Variants in XRCC6 observed in about 807,000 individuals in gnomAD.
XRCC6 encodes the protein X-ray repair cross complementing 6.
A neutral mutation model predicts 65.7 loss-of-function variants in XRCC6; 5 were observed. The ratio of observed to expected loss-of-function variants is 0.08; its 90% CI spans 0.04 to 0.16. XRCC6 has a LOEUF of 0.16. Ranked by LOEUF, XRCC6 falls within the 10% of genes least tolerant of loss-of-function variation. The probability of loss-of-function intolerance (pLI) is 1.00; values close to 1 mark genes in which losing one functional copy is unlikely to be tolerated. For synonymous variants in XRCC6, 270 were observed against 270.6 expected (o/e 1.00, Z 0.02); for missense variants, 447 against 738.1 (o/e 0.61, Z 4.57).
In XRCC6 at chr22:41,639,329, C is replaced by CTTT. The variant is rs386395480; in HGVS notation, c.773+1561_773+1563dup. Among the ~76,000 whole-genome samples, 62 of 64,584 alleles carry CTTT rather than the reference C, an allele frequency of 9.6e-4. 1 individual carries two copies. Among genetic ancestry groups the CTTT allele is most frequent in the Admixed American group, 4.9e-3 (19 of 3,892 alleles). The allele number at this position is 64,584 out of a possible 152,430, so 42.4% of individuals were successfully genotyped here. ...GGAACCAGATTGCTAGATTCTTTTT[C>CTTT]TTTTTTTTTTTTTTTTTTTTTTTTT... On this transcript the variant is annotated intron_variant, in intron 6 of 12. Coordinates refer to ENST00000360079, the MANE Select transcript of XRCC6 (RefSeq NM_001469.5).
chr22:41,623,690 C>G (rs1438805466), intron 2 of XRCC6, among the ~76,000 whole-genome samples: 1 of 148,070 alleles, frequency 6.8e-6, no homozygotes, highest in African/African-American at 2.5e-5. Flanking sequence ...CCTGGCCTAT[C>G]TGATTTCTTG....
In XRCC6 at chr22:41,650,903, G is replaced by A. The variant is rs377078752; in HGVS notation, c.1129+12G>A. 1.9e-4 allele frequency: 307 copies of A among 1,613,916 alleles called. No individual in the cohort carries two copies. Among genetic ancestry groups the A allele is most frequent in the African/African-American group, 9.2e-4 (69 of 75,040 alleles). ...GTCGCTGGTGATTGGTAAGTAGCGTGGACCATGGATGAGTGACTCTAACAC... is the reference window on the plus strand; with the variant it reads ...GTCGCTGGTGATTGGTAAGTAGCGTAGACCATGGATGAGTGACTCTAACAC... On this transcript the variant is annotated intron_variant, in intron 8 of 12. Transcript: ENST00000360079.
chr22:41,655,686 G>A (rs56226135), intron 9 of XRCC6, among the ~76,000 whole-genome samples: 23 of 149,314 alleles, frequency 1.5e-4, no homozygotes, highest in Non-Finnish European at 2.5e-4. Context: ...GTGACAGAGC[G>A]AGACTCTGTC....
At chr22:41,648,519 C>A (rs1008178290) in intron 7 of XRCC6, among the ~76,000 whole-genome samples, 1 of 152,088 alleles carries the variant, frequency 6.6e-6, no homozygotes, top group Non-Finnish European at 1.5e-5. Flanking sequence ...GGATGACATA[C>A]ATCTCCCTTT....
intron 8 of XRCC6, among the ~76,000 whole-genome samples, chr22:41,652,646 G>A (rs2068011782): frequency 6.6e-6 from 1 of 151,966 alleles, no homozygotes; most frequent in African/African-American, 2.4e-5. Context: ...GACTGTAAGC[G>A]TGAGCCACCT....
At chr22:41,631,120 G>T (rs1366782456) in intron 3 of XRCC6, among the ~76,000 whole-genome samples, 8 of 150,648 alleles carry the variant, frequency 5.3e-5, no homozygotes, top group Non-Finnish European at 4.4e-5. Context: ...TCCTGGACGG[G>T]GCGGCTGGCA....
At chr22:41,657,490 T>TTTATTA (rs138171458) in intron 10 of XRCC6, among the ~76,000 whole-genome samples, 7,617 of 138,146 alleles carry the variant, frequency 0.055, 404 homozygotes, top group Admixed American at 0.16. Context: ...TTTTTAAAAA[T>TTTATTA]TTATTATTAT....
At chr22:41,632,124 G>GGGAGAGGGAGACCGT (rs2067761064) in intron 3 of XRCC6, among the ~76,000 whole-genome samples, 1 of 140,768 alleles carries the variant, frequency 7.1e-6, no homozygotes, top group African/African-American at 3.0e-5. Context: ...CGTGGAAAGA[G>GGGAGAGGGAGACCGT]AGGGAGAGGG....
At chr22:41,645,313 CAAAA>C (rs1207259870) in intron 6 of XRCC6, among the ~76,000 whole-genome samples, 2 of 148,466 alleles carry the variant, frequency 1.3e-5, no homozygotes, top group African/African-American at 5.0e-5. Context: ...AAAAAAAAAA[CAAAA>C]AACAAAAAAA....
chr22:41,649,968 G>A (rs971909818), intron 7 of XRCC6, among the ~76,000 whole-genome samples: 4 of 152,132 alleles, frequency 2.6e-5, no homozygotes, highest in Non-Finnish European at 5.9e-5. Flanking sequence ...GGAGGTTGCC[G>A]TGAGTCGAGA....
At chr22:41,622,776 TAAAAA>T (rs57682350) in intron 2 of XRCC6, among the ~76,000 whole-genome samples, 1 of 148,262 alleles carries the variant, frequency 6.7e-6, no homozygotes, top group Non-Finnish European at 1.5e-5. Context: ...CCGTCTGTAC[TAAAAA>T]AAAAATACAA....
rs145483488 is a variant in XRCC6 at position 41,644,673 on chromosome 22, G to A, written c.774-2223G>A. Among the ~76,000 whole-genome samples the A allele has an allele frequency of 7.2e-4, 110 of 152,020 alleles. 2 individuals are homozygous for A. In the East Asian group the frequency reaches 0.021, roughly 28 times the overall value. ...GCTAATATTTTTTTGTATTTTAGTA[G>A]AGATGGGGTTTCACCGTGTTGCCCA... is the stretch of plus-strand genomic sequence containing the variant. On this transcript the variant is annotated intron_variant, in intron 6 of 12. Coordinates refer to ENST00000360079, the MANE Select transcript of XRCC6 (RefSeq NM_001469.5).
chr22:41,623,577 C>T (rs141241605), intron 2 of XRCC6, among the ~76,000 whole-genome samples: 4,849 of 151,966 alleles, frequency 0.032, 120 homozygotes, highest in Middle Eastern at 0.044. Flanking sequence ...TTAGTAGAGA[C>T]GGGGTTTCAC....
chr22:41,634,455 G>C (rs1390627449), intron 3 of XRCC6, among the ~76,000 whole-genome samples: 1 of 151,938 alleles, frequency 6.6e-6, no homozygotes, highest in Non-Finnish European at 1.5e-5. Context: ...CAAAGTGCTG[G>C]GATTATAGGC....
chr22:41,622,421 T>G (rs183986692), intron 2 of XRCC6, among the ~76,000 whole-genome samples: 3 of 152,156 alleles, frequency 2.0e-5, no homozygotes, highest in Non-Finnish European at 4.4e-5. Flanking sequence ...AGGACCTCAG[T>G]GTAAAAATGC....
chr22:41,622,202 C>G (rs1388050249), intron 2 of XRCC6, 116 bp downstream of exon 2: 2 of 1,105,766 alleles, frequency 1.8e-6, no homozygotes, highest in Non-Finnish European at 2.6e-6. Flanking sequence ...CCAGATAATT[C>G]TGAAATTCTT....
chr22:41,635,475 A>G (rs1055320719), intron 3 of XRCC6, among the ~76,000 whole-genome samples: 1 of 152,212 alleles, frequency 6.6e-6, no homozygotes, highest in Non-Finnish European at 1.5e-5. Flanking sequence ...ACTCAACTCC[A>G]GGTTTTCTGA....
intron 3 of XRCC6, among the ~76,000 whole-genome samples, chr22:41,630,530 T>G (rs1244742777): frequency 1.3e-5 from 2 of 151,564 alleles, no homozygotes; most frequent in African/African-American, 4.9e-5. Context: ...TTGATCATTC[T>G]TGGGTGTTTC....
chr22:41,632,103 CAGAGGGAGACCGTGGAAAGAGAGGG>C (rs956229894), intron 3 of XRCC6, among the ~76,000 whole-genome samples: 79 of 146,890 alleles, frequency 5.4e-4, no homozygotes, highest in Admixed American at 2.7e-4. Flanking sequence ...GGCTCGGCAT[CAGAGGGAGACCGTGGAAAGAGAGGG>C]AGAGGGAGAC....
Sources: gnomAD v4.1 joint callset for allele counts (sites outside exome capture counted in the v4.1 genomes callset) on GRCh38, gnomAD v4.1.1 for gene constraint, MANE v1.5 for transcripts, NCBI Gene and HGNC (gene_info 2026-07-23, HGNC 2026-07-21) for gene names.